FREM2: variants seen among roughly 807,000 people sequenced by gnomAD.
FREM2 encodes the protein FRAS1-related extracellular matrix protein 2.
In FREM2, 119 loss-of-function variants were observed where a neutral mutation model predicts 219.9. That is an observed-to-expected ratio of 0.54 (90% CI 0.47 to 0.63). The LOEUF is 0.63. Ranked by LOEUF, FREM2 falls within the 30% of genes least tolerant of loss-of-function variation. The pLI, the probability that FREM2 is intolerant of heterozygous loss-of-function variation, is 0.00. For synonymous variants in FREM2, 1,562 were observed against 1,522.8 expected (o/e 1.03, Z -0.60); for missense variants, 4,030 against 3,993.6 (o/e 1.01, Z -0.25).
intron 2 of FREM2, among the ~76,000 whole-genome samples, chr13:38,715,250 G>A (rs1870950801): frequency 6.6e-6 from 1 of 152,106 alleles, no homozygotes; most frequent in Admixed American, 6.6e-5. Flanking sequence ...GAAGGAAAAA[G>A]AACCCTGTAC....
intron 4 of FREM2, among the ~76,000 whole-genome samples, chr13:38,771,575 C>T (rs1441933568): frequency 6.6e-6 from 1 of 152,094 alleles, no homozygotes; most frequent in Non-Finnish European, 1.5e-5. Context: ...TACACAGCCC[C>T]CCACTTATAT....
At position 38,848,699 on chromosome 13, in the gene FREM2, AATG is replaced by A. The variant is rs753230633; in HGVS notation, c.6379+32_6379+34del. The A allele has an allele frequency of 2.0e-5, 31 of 1,536,324 alleles. No individual in the cohort carries two copies. In the Middle Eastern group the frequency reaches 7.9e-4, roughly 39 times the overall value. On this transcript the variant is annotated intron_variant, in intron 8 of 23. Coordinates refer to ENST00000280481, the MANE Select transcript of FREM2 (RefSeq NM_207361.6). ...AGTGTTTATTAATTTTATAATTTACAATGATAATTGAAATCATAAGCTAAGGTT... is the reference window on the plus strand; with the variant it reads ...AGTGTTTATTAATTTTATAATTTACAATAATTGAAATCATAAGCTAAGGTT...
At chr13:38,875,889 T>G in intron 18 of FREM2, 133 bp from the exon 19 acceptor site, 1 of 860,976 alleles carries the variant, frequency 1.2e-6, no homozygotes, top group Non-Finnish European at 1.9e-6. Flanking sequence ...ATACTAACCA[T>G]GACTGCTTTG....
intron 2 of FREM2, 58 bp downstream of exon 2, chr13:38,697,845 C>A: frequency 3.2e-6 from 3 of 929,172 alleles, no homozygotes; most frequent in African/African-American, 3.2e-5. Context: ...CTTGGTTGCT[C>A]TCTGATGACA....
chr13:38,869,519 A>G (rs933698672), intron 16 of FREM2, among the ~76,000 whole-genome samples: 2 of 152,236 alleles, frequency 1.3e-5, no homozygotes, highest in African/African-American at 4.8e-5. Context: ...CGGAGGAACA[A>G]AGTCGTTACA....
intron 6 of FREM2, among the ~76,000 whole-genome samples, chr13:38,794,656 G>GTT (rs995789153): frequency 2.7e-5 from 4 of 149,648 alleles, no homozygotes; most frequent in African/African-American, 9.8e-5. Context: ...TGTATTCTTC[G>GTT]TTTTTTTTTA....
At chr13:38,783,829 G>A (rs570505141) in intron 5 of FREM2, among the ~76,000 whole-genome samples, 1 of 152,356 alleles carries the variant, frequency 6.6e-6, no homozygotes, top group South Asian at 2.1e-4. Context: ...GGGCTCAGTG[G>A]CTCATGCCTG....
intron 11 of FREM2, among the ~76,000 whole-genome samples, chr13:38,854,826 A>T (rs1223165970): frequency 6.6e-6 from 1 of 152,198 alleles, no homozygotes; most frequent in Non-Finnish European, 1.5e-5. Flanking sequence ...TTGAAGCAGA[A>T]AAAGGAAAAT....
intron 6 of FREM2, among the ~76,000 whole-genome samples, chr13:38,822,305 G>C (rs1876090575): frequency 6.7e-6 from 1 of 150,162 alleles, no homozygotes; most frequent in Non-Finnish European, 1.5e-5. Flanking sequence ...CAGAGCTGAA[G>C]CTCTGTGGTC....
chr13:38,851,981 T>A, intron 11 of FREM2, 113 bp downstream of exon 11: 1 of 943,310 alleles, frequency 1.1e-6, no homozygotes, highest in Non-Finnish European at 1.7e-6. Flanking sequence ...AATAGGGCAC[T>A]CTTTTTTAGG....
chr13:38,808,383 A>T lies in FREM2; in HGVS notation c.6019+23575A>T, dbSNP rs868576418. ...TGTCCTTCAAGAGCTATTCCTTTCC[A>T]TTCACAACTTGGATAACTGTTGGGC... On this transcript the variant is annotated intron_variant, in intron 6 of 23. Transcript: ENST00000280481. 3.4e-4 allele frequency among the ~76,000 whole-genome samples: 51 copies of T among 152,090 alleles called. No individual in the cohort carries two copies. In the Middle Eastern group the frequency reaches 0.01, roughly 31 times the overall value.
chr13:38,787,704 T>C (rs1226572461), intron 6 of FREM2, among the ~76,000 whole-genome samples: 1 of 150,560 alleles, frequency 6.6e-6, no homozygotes, highest in Non-Finnish European at 1.5e-5. Flanking sequence ...ATTTATTATT[T>C]ATTAATGTTA....
chr13:38,703,026 A>G (rs529407944), intron 2 of FREM2, among the ~76,000 whole-genome samples: 1 of 152,264 alleles, frequency 6.6e-6, no homozygotes, highest in Admixed American at 6.5e-5. Flanking sequence ...TCTGTATATG[A>G]AATGTCATTT....
At chr13:38,835,245 A>G (rs975625344) in intron 6 of FREM2, among the ~76,000 whole-genome samples, 1 of 152,196 alleles carries the variant, frequency 6.6e-6, no homozygotes, top group Non-Finnish European at 1.5e-5. Context: ...TTTGTCAAAG[A>G]TCAGATAGTT....
intron 7 of FREM2, among the ~76,000 whole-genome samples, 186 bp from the exon 8 acceptor site, chr13:38,848,275 A>G (rs1877236314): frequency 6.6e-6 from 1 of 152,204 alleles, no homozygotes. Flanking sequence ...CTGGTCTTTG[A>G]TCTATCACCA....
chr13:38,863,399 C>G (rs1877834810), intron 15 of FREM2, among the ~76,000 whole-genome samples: 2 of 151,976 alleles, frequency 1.3e-5, no homozygotes, highest in Non-Finnish European at 2.9e-5. Flanking sequence ...TTGAAGATCT[C>G]AAAGAGATTT....
chr13:38,834,742 G>A (rs1247286746), intron 6 of FREM2, among the ~76,000 whole-genome samples: 2 of 152,194 alleles, frequency 1.3e-5, no homozygotes, highest in Non-Finnish European at 2.9e-5. Flanking sequence ...CTGCATAAAT[G>A]TCTTCTTTTG....
At position 38,688,818 on chromosome 13, in the gene FREM2, C is replaced by T; in HGVS notation, c.1474C>T (p.Leu492Phe). Reference sequence around the variant, plus strand: ...GGTGGCTGGGCTCCGGCATGGTCACCTTGTCATTCTGGGTGCTTCCAGTGG... The same window carrying T: ...GGTGGCTGGGCTCCGGCATGGTCACTTTGTCATTCTGGGTGCTTCCAGTGG... Reference protein sequence around the residue: ...EVVAGLRHGHLVILGASSGSS... With the variant: ...EVVAGLRHGHFVILGASSGSS... Residue 492 changes from leucine to phenylalanine, a missense_variant, in exon 1 of 24, where the codon CTT becomes TTT. Leu to Phe is a conservative substitution (Grantham distance 22, BLOSUM62 0). This residue lies in a region of FREM2 where 3,102 missense variants were observed against 2,950.7 expected (regional missense o/e 1.05). Transcript: ENST00000280481. 1 of 1,614,050 alleles carries T rather than the reference C, an allele frequency of 6.2e-7. No individual in the cohort carries two copies. The highest frequency in any genetic ancestry group is 8.5e-7 in the Non-Finnish European group (1 of 1,180,036).
rs1375404346 is a variant in FREM2 at position 38,751,725 on chromosome 13, T to G, written c.5264-12579T>G. On this transcript the variant is annotated intron_variant, in intron 2 of 23. Coordinates refer to ENST00000280481, the MANE Select transcript of FREM2 (RefSeq NM_207361.6). ...GAAAGGACTATATGTAAACCAACTT[T>G]ATACTTCCTAACATATGTGCTTTTC... 3.9e-5 allele frequency among the ~76,000 whole-genome samples: 6 copies of G among 152,326 alleles called. No homozygotes were observed. The East Asian group carries it at 1.2e-3, about 29-fold the overall frequency.
Sources: allele counts gnomAD v4.1 joint callset (sites outside exome capture counted in the v4.1 genomes callset), GRCh38; gene constraint gnomAD v4.1.1; regional missense constraint gnomAD v4.1.1; transcripts MANE v1.5; gene names NCBI Gene and HGNC (gene_info 2026-07-23, HGNC 2026-07-21).